CTNNA2: variants seen among roughly 807,000 people sequenced by gnomAD.
CTNNA2 encodes the protein catenin alpha-2.
CTNNA2 carries 42 observed loss-of-function variants against 101.0 expected under a neutral mutation model. The ratio of observed to expected loss-of-function variants is 0.42; its 90% CI spans 0.32 to 0.54. CTNNA2 has a LOEUF of 0.54. CTNNA2 is among the 20% of genes least tolerant of loss of function. The pLI, the probability that CTNNA2 is intolerant of heterozygous loss-of-function variation, is 0.14. For missense variants in CTNNA2, 871 were observed against 1,223.1 expected, an observed-to-expected ratio of 0.71 and a Z score of 4.29; for synonymous variants, 450 against 456.4, an observed-to-expected ratio of 0.99 and a Z score of 0.18.
intron 2 of CTNNA2, among the ~76,000 whole-genome samples, chr2:79,704,661 C>A (rs1292766397): frequency 1.3e-5 from 2 of 151,532 alleles, no homozygotes; most frequent in Non-Finnish European, 2.9e-5. Flanking sequence ...TACAGGCACC[C>A]GCCACCACGC....
chr2:79,939,969 G>T (rs1688042649), intron 7 of CTNNA2, among the ~76,000 whole-genome samples: 2 of 152,130 alleles, frequency 1.3e-5, no homozygotes, highest in African/African-American at 4.8e-5. Context: ...GCATATGCCT[G>T]CAGTCTCAGC....
intron 7 of CTNNA2, among the ~76,000 whole-genome samples, chr2:80,140,561 C>G (rs1558845434): frequency 6.6e-6 from 1 of 152,122 alleles, no homozygotes; most frequent in Non-Finnish European, 1.5e-5. Flanking sequence ...GAAACAGATG[C>G]TCCAACCCCA....
intron 7 of CTNNA2, among the ~76,000 whole-genome samples, chr2:79,921,731 G>A (rs973565836): frequency 2.0e-5 from 3 of 151,908 alleles, no homozygotes; most frequent in Non-Finnish European, 4.4e-5. Context: ...TAACTCTGCT[G>A]GTTTGAATGC....
chr2:79,923,429 G>A (rs1335591813), intron 7 of CTNNA2, among the ~76,000 whole-genome samples: 1 of 152,006 alleles, frequency 6.6e-6, no homozygotes, highest in Non-Finnish European at 1.5e-5. Flanking sequence ...AGAAGATCTG[G>A]TGGTCTGCTT....
intron 7 of CTNNA2, among the ~76,000 whole-genome samples, chr2:80,314,818 G>GAACA (rs1275948061): frequency 1.3e-5 from 2 of 152,180 alleles, no homozygotes; most frequent in Non-Finnish European, 2.9e-5. Context: ...CTCAAACATG[G>GAACA]AACAAGGTGA....
intron 4 of CTNNA2, among the ~76,000 whole-genome samples, chr2:79,453,011 T>C (rs416985): frequency 0.3 from 45,871 of 151,886 alleles, 7,164 homozygotes; most frequent in South Asian, 0.45. Context: ...AAAGTTATCT[T>C]CCTGAAACAT....
chr2:79,471,125 C>T (rs141020524), intron 4 of CTNNA2, among the ~76,000 whole-genome samples: 38 of 152,228 alleles, frequency 2.5e-4, no homozygotes, highest in African/African-American at 8.7e-4. Flanking sequence ...GGCTGTGGCA[C>T]ACCTCTAGAA....
chr2:80,230,713 G>A (rs1287086143), intron 7 of CTNNA2, among the ~76,000 whole-genome samples: 2 of 152,118 alleles, frequency 1.3e-5, no homozygotes, highest in Non-Finnish European at 2.9e-5. Flanking sequence ...CAGCTATTTT[G>A]TTGTTATCCA....
intron 7 of CTNNA2, among the ~76,000 whole-genome samples, chr2:80,338,472 A>C (rs1383523347): frequency 6.6e-6 from 1 of 152,164 alleles, no homozygotes; most frequent in Non-Finnish European, 1.5e-5. Context: ...CAAAATGAGG[A>C]ATGGGAGAGC....
chr2:79,613,300 C>A (rs147596575), intron 1 of CTNNA2, among the ~76,000 whole-genome samples: 11 of 151,272 alleles, frequency 7.3e-5, no homozygotes, highest in Admixed American at 2.6e-4. Context: ...TGTTACCATG[C>A]TGTTTCAGTT....
intron 2 of CTNNA2, among the ~76,000 whole-genome samples, chr2:79,261,307 C>A (rs569733023): frequency 6.6e-6 from 1 of 152,120 alleles, no homozygotes; most frequent in South Asian, 2.1e-4. Flanking sequence ...ACACGTTGCA[C>A]AATAAAAATA....
chr2:79,882,316 G>A (rs1201196421), intron 6 of CTNNA2, among the ~76,000 whole-genome samples: 1 of 152,194 alleles, frequency 6.6e-6, no homozygotes, highest in East Asian at 1.9e-4. Context: ...GTATCTTAGT[G>A]ATGTTTTCTA....
chr2:80,521,623 G>A (rs967109691), intron 9 of CTNNA2, among the ~76,000 whole-genome samples: 2 of 152,124 alleles, frequency 1.3e-5, no homozygotes, highest in East Asian at 1.9e-4. Context: ...TTCACTAGCC[G>A]TTGTTAGTCT....
In CTNNA2 at chr2:80,303,172, G is replaced by C. The variant is rs1407216473; in HGVS notation, c.1057-90039G>C. 3.1e-6 allele frequency: 5 copies of C among 1,613,998 alleles called. No homozygotes were observed. The highest frequency in any genetic ancestry group is 1.3e-5 in the African/African-American group (1 of 74,922). On this transcript the variant is annotated intron_variant, in intron 7 of 18. Coordinates refer to ENST00000402739, the MANE Select transcript of CTNNA2 (RefSeq NM_001282597.3). The surrounding 1 kb of genome is among the most constrained non-coding windows in gnomAD (Gnocchi z 7.7). ...TCACCTTGACCAAGTCGTTGTGCTC[G>C]AGGTGCAGCTCGGTGAGCTTAAACA...
chr2:79,487,139 T>C (rs1055004198), intron 4 of CTNNA2, among the ~76,000 whole-genome samples: 7 of 152,246 alleles, frequency 4.6e-5, no homozygotes, highest in African/African-American at 1.7e-4. Flanking sequence ...ATCTTAACTT[T>C]GGAAATTTCA....
intron 9 of CTNNA2, among the ~76,000 whole-genome samples, chr2:80,537,596 C>CTT (rs34006040): frequency 3.5e-5 from 5 of 143,246 alleles, no homozygotes; most frequent in African/African-American, 1.0e-4. Flanking sequence ...TGTTTCCTGA[C>CTT]TTTTTTTTTT....
At chr2:79,900,828 G>A (rs989647220) in intron 6 of CTNNA2, among the ~76,000 whole-genome samples, 1 of 152,100 alleles carries the variant, frequency 6.6e-6, no homozygotes, top group Non-Finnish European at 1.5e-5. Flanking sequence ...ACAGAGAAAC[G>A]ATAAATGCTT....
At chr2:80,578,448 A>G (rs1036772500) in intron 13 of CTNNA2, among the ~76,000 whole-genome samples, 1 of 152,142 alleles carries the variant, frequency 6.6e-6, no homozygotes, top group African/African-American at 2.4e-5. Context: ...GTAATTTTCC[A>G]TGTTTCCTTT....
At chr2:79,906,467 C>G (rs1464053727) in intron 6 of CTNNA2, among the ~76,000 whole-genome samples, 1 of 152,150 alleles carries the variant, frequency 6.6e-6, no homozygotes, top group East Asian at 1.9e-4. Flanking sequence ...GCAATGCTCC[C>G]CATCTGTACT....
Sources: gnomAD v4.1 joint callset for allele counts (sites outside exome capture counted in the v4.1 genomes callset) on GRCh38, gnomAD v4.1.1 for gene constraint, Gnocchi (gnomAD v3.1) non-coding constraint, MANE v1.5 for transcripts, NCBI Gene and HGNC (gene_info 2026-07-23, HGNC 2026-07-21) for gene names.